Variants in NELL1 observed in about 807,000 individuals in gnomAD.
NELL1 encodes the protein protein kinase C-binding protein NELL1.
A neutral mutation model predicts 107.4 loss-of-function variants in NELL1; 76 were observed. The observed-to-expected ratio is 0.71, with a 90% confidence interval of 0.59 to 0.86. NELL1 has a LOEUF of 0.86. NELL1 is among the 40% of genes least tolerant of loss of function. The pLI, the probability that NELL1 is intolerant of heterozygous loss-of-function variation, is 0.00. For missense variants in NELL1, 1,024 were observed against 1,005.5 expected (o/e 1.02, Z -0.25); for synonymous variants, 353 against 341.2 (o/e 1.03, Z -0.38).
intron 12 of NELL1, among the ~76,000 whole-genome samples, chr11:21,020,067 CTAAACTATACAATGGAGATATGAG>C (rs1448093376): frequency 6.6e-6 from 1 of 152,108 alleles, no homozygotes; most frequent in Non-Finnish European, 1.5e-5. Flanking sequence ...CCTTAGCTAA[CTAAACTATACAATGGAGATATGAG>C]TATTCATCTT....
chr11:21,193,246 G>C (rs1857083636), intron 13 of NELL1, among the ~76,000 whole-genome samples: 1 of 151,784 alleles, frequency 6.6e-6, no homozygotes, highest in African/African-American at 2.4e-5. Context: ...TCCTGTCGAA[G>C]AGGTTGGAAT....
intron 10 of NELL1, among the ~76,000 whole-genome samples, chr11:20,938,918 C>G (rs367762750): frequency 6.9e-4 from 52 of 75,906 alleles, no homozygotes; most frequent in African/African-American, 1.7e-3. Context: ...GTCTCTCTCT[C>G]TCTCTCTCTC....
chr11:21,157,772 CT>C (rs1856275431), intron 13 of NELL1, among the ~76,000 whole-genome samples: 1 of 152,182 alleles, frequency 6.6e-6, no homozygotes, highest in Non-Finnish European at 1.5e-5. Context: ...TTAGTTTAAC[CT>C]CTCTATGCCT....
At chr11:21,418,880 C>T (rs1852585781) in intron 15 of NELL1, among the ~76,000 whole-genome samples, 1 of 152,114 alleles carries the variant, frequency 6.6e-6, no homozygotes, top group Non-Finnish European at 1.5e-5. Context: ...AGCACACTTG[C>T]ATCCAATCTT....
intron 14 of NELL1, among the ~76,000 whole-genome samples, chr11:21,230,548 A>G (rs1010763455): frequency 5.3e-5 from 8 of 152,232 alleles, no homozygotes; most frequent in East Asian, 1.9e-4. Flanking sequence ...GGTAGGTATT[A>G]TTATCCTTAT....
chr11:20,726,829 G>A (rs568956463), intron 2 of NELL1, among the ~76,000 whole-genome samples: 4 of 149,820 alleles, frequency 2.7e-5, no homozygotes, highest in South Asian at 4.2e-4. Flanking sequence ...TCCCACCTAT[G>A]AGTGAGAACA....
At position 20,802,589 on chromosome 11, in the gene NELL1, A is replaced by G. The variant is rs1198873586; in HGVS notation, c.335+18759A>G. On this transcript the variant is annotated intron_variant, in intron 3 of 19. Coordinates refer to ENST00000357134, the MANE Select transcript of NELL1 (RefSeq NM_006157.5). ...CTCTTGTCTAATTGCTGTAGCTAGG[A>G]CTTACAGTACTATGTTGAATAACAG... 3.3e-5 allele frequency among the ~76,000 whole-genome samples: 5 copies of G among 152,222 alleles called. No individual in the cohort carries two copies. The East Asian group carries it at 9.6e-4, about 29-fold the overall frequency.
At chr11:21,184,602 T>C (rs1330204029) in intron 13 of NELL1, among the ~76,000 whole-genome samples, 1 of 151,888 alleles carries the variant, frequency 6.6e-6, no homozygotes, top group African/African-American at 2.4e-5. Context: ...AATGTGTCAG[T>C]CGAAAACAGA....
In NELL1 at chr11:20,686,646, C is replaced by G. The variant is rs1854312181; in HGVS notation, c.184+8586C>G. Among the ~76,000 whole-genome samples, 3 of 152,226 alleles carry G rather than the reference C, an allele frequency of 2.0e-5. No homozygotes were observed. In the South Asian group the frequency reaches 6.2e-4, roughly 32 times the overall value. ...CATTTGCCTTGTTCGAACATTTGGC[C>G]ACTGTGGCTGAAACTCGGTGATCAA... On this transcript the variant is annotated intron_variant, in intron 2 of 19. Transcript: ENST00000357134.
chr11:21,083,862 A>T (rs1223249836), intron 12 of NELL1, among the ~76,000 whole-genome samples: 2 of 152,240 alleles, frequency 1.3e-5, no homozygotes. Context: ...CAAAATGAAA[A>T]TGCACTATTA....
At chr11:21,259,372 T>C (rs1858847854) in intron 14 of NELL1, among the ~76,000 whole-genome samples, 1 of 151,868 alleles carries the variant, frequency 6.6e-6, no homozygotes, top group Non-Finnish European at 1.5e-5. Flanking sequence ...TCCTTGGGAA[T>C]TTCAAAGGAC....
At chr11:21,529,235 A>G (rs1855934990) in intron 15 of NELL1, among the ~76,000 whole-genome samples, 1 of 152,160 alleles carries the variant, frequency 6.6e-6, no homozygotes, top group Admixed American at 6.6e-5. Context: ...TGTAGTGAGC[A>G]GGTAGAAATA....
intron 15 of NELL1, among the ~76,000 whole-genome samples, chr11:21,485,092 G>C (rs1854592293): frequency 6.6e-6 from 1 of 152,118 alleles, no homozygotes; most frequent in African/African-American, 2.4e-5. Flanking sequence ...CCTAGCCATG[G>C]AAAAGCTCCT....
intron 12 of NELL1, among the ~76,000 whole-genome samples, chr11:20,978,148 T>G (rs568167041): frequency 1.2e-3 from 188 of 152,336 alleles, no homozygotes; most frequent in Non-Finnish European, 2.0e-3. Context: ...CACACATACT[T>G]AAACTTGTAT....
intron 14 of NELL1, among the ~76,000 whole-genome samples, chr11:21,344,981 T>C (rs1307445683): frequency 6.6e-6 from 1 of 152,202 alleles, no homozygotes; most frequent in African/African-American, 2.4e-5. Context: ...CACAATAAAC[T>C]AACTGCTTTA....
intron 3 of NELL1, among the ~76,000 whole-genome samples, chr11:20,796,233 G>A (rs930546485): frequency 6.6e-6 from 1 of 152,104 alleles, no homozygotes; most frequent in Admixed American, 6.5e-5. Flanking sequence ...ACAATGAATT[G>A]CCCAAATGGA....
At chr11:21,522,023 G>A (rs561744850) in intron 15 of NELL1, among the ~76,000 whole-genome samples, 61 of 152,196 alleles carry the variant, frequency 4.0e-4, no homozygotes, top group Non-Finnish European at 6.6e-4. Flanking sequence ...TCCATGGCTT[G>A]CAAATATTTT....
chr11:21,232,859 G>A (rs1387666145), intron 14 of NELL1, among the ~76,000 whole-genome samples: 1 of 152,106 alleles, frequency 6.6e-6, no homozygotes, highest in Non-Finnish European at 1.5e-5. Flanking sequence ...CACCACGTTG[G>A]CCAGGCTGGT....
intron 15 of NELL1, among the ~76,000 whole-genome samples, chr11:21,444,962 G>A: frequency 6.6e-6 from 1 of 152,062 alleles, no homozygotes. Context: ...AGATTACCAT[G>A]AGGTTTACAA....
Sources: gnomAD v4.1 joint callset for allele counts (sites outside exome capture counted in the v4.1 genomes callset) on GRCh38, gnomAD v4.1.1 for gene constraint, MANE v1.5 for transcripts, NCBI Gene and HGNC (gene_info 2026-07-23, HGNC 2026-07-21) for gene names.